DMD: variants seen among roughly 807,000 people sequenced by gnomAD.
DMD encodes dystrophin.
In DMD, 63 loss-of-function variants were observed where a neutral mutation model predicts 330.1. The ratio of observed to expected loss-of-function variants is 0.19; its 90% CI spans 0.16 to 0.24. The LOEUF is 0.24. DMD is among the 10% of genes least tolerant of loss of function. DMD has a pLI of 1.00. For synonymous variants in DMD, 1,223 were observed against 959.8 expected, an observed-to-expected ratio of 1.27 and a Z score of -5.07; for missense variants, 3,344 against 2,684.1, an observed-to-expected ratio of 1.25 and a Z score of -5.43.
intron 51 of DMD, among the ~76,000 whole-genome samples, chrX:31,730,169 G>C (rs1050909296): frequency 9.0e-6 from 1 of 111,652 alleles, no homozygotes; most frequent in Non-Finnish European, 1.9e-5. Flanking sequence ...GCACAGAACC[G>C]ATTTAAGAGA....
At chrX:32,390,378 A>G (rs954657879) in intron 30 of DMD, among the ~76,000 whole-genome samples, 197 bp from the exon 31 acceptor site, 1 of 111,467 alleles carries the variant, frequency 9.0e-6, no homozygotes, top group Admixed American at 9.6e-5. Flanking sequence ...GATCACCTAA[A>G]TAGAATTATC....
chrX:32,345,894 A>G, intron 39 of DMD, 49 bp downstream of exon 39: 5 of 1,180,909 alleles, frequency 4.2e-6, no homozygotes, highest in Non-Finnish European at 5.7e-6. Flanking sequence ...TACCCTATAT[A>G]TTAAAAAAAA....
intron 7 of DMD, among the ~76,000 whole-genome samples, chrX:32,724,199 G>A (rs1033656238): frequency 9.0e-6 from 1 of 111,663 alleles, no homozygotes; most frequent in African/African-American, 3.2e-5. Flanking sequence ...TAAGAATTGT[G>A]CATTTAAAAT....
At chrX:32,779,731 T>C (rs12009409) in intron 7 of DMD, among the ~76,000 whole-genome samples, 2 of 67,658 alleles carry the variant, frequency 3.0e-5, no homozygotes, top group African/African-American at 5.8e-5. Context: ...GGTGGGGGTA[T>C]GGGGGAGGGA....
chrX:32,572,282 T>C (rs1432451793), intron 15 of DMD, among the ~76,000 whole-genome samples: 1 of 111,808 alleles, frequency 8.9e-6, no homozygotes, highest in African/African-American at 3.2e-5. Context: ...ATGGTACGTA[T>C]TTAAAATGAG....
intron 55 of DMD, among the ~76,000 whole-genome samples, chrX:31,518,484 A>C (rs1244615602): frequency 1.8e-5 from 2 of 111,794 alleles, no homozygotes; most frequent in South Asian, 3.8e-4. Context: ...TGTACATTTA[A>C]GTCACAGAGA....
At chrX:32,787,143 A>T (rs1452742557) in intron 7 of DMD, among the ~76,000 whole-genome samples, 1 of 109,631 alleles carries the variant, frequency 9.1e-6, no homozygotes, top group Non-Finnish European at 1.9e-5. Flanking sequence ...ACTATCATGA[A>T]CCAGCCTTCA....
At chrX:32,437,010 CTT>C (rs2098263992) in intron 29 of DMD, among the ~76,000 whole-genome samples, 1 of 111,273 alleles carries the variant, frequency 9.0e-6, no homozygotes, top group Non-Finnish European at 1.9e-5. Flanking sequence ...TTCACAATGA[CTT>C]TTAATTTTTT....
Position 31,323,624 on chromosome X carries a change from C to T in DMD, c.9198G>A (p.Ser3066=), listed in dbSNP as rs753594128. Residue 3066 remains serine, a synonymous_variant, in exon 62 of 79, where the codon TCG becomes TCA. Coordinates refer to ENST00000357033, the MANE Select transcript of DMD (RefSeq NM_004006.3). ...SVQGPWERAI[S]PNKVPYYINH... ...TGATATAGTAGGGCACTTTGTTTGG[C>T]GAGATGGCTCTCTCCCAGGGACCCT... 9 of 1,208,183 alleles carry T rather than the reference C, an allele frequency of 7.4e-6. No homozygotes were observed. In the African/African-American group the frequency reaches 8.8e-5, roughly 12 times the overall value.
At chrX:31,764,313 A>T (rs758825063) in intron 51 of DMD, among the ~76,000 whole-genome samples, 2 of 111,868 alleles carry the variant, frequency 1.8e-5, no homozygotes, top group East Asian at 5.6e-4. Context: ...TACATAACTT[A>T]AAAAAATCAA....
At chrX:32,656,085 G>A (rs141312337) in intron 9 of DMD, among the ~76,000 whole-genome samples, 16 of 111,604 alleles carry the variant, frequency 1.4e-4, no homozygotes, top group Non-Finnish European at 2.6e-4. Flanking sequence ...AAAGTTTAGG[G>A]GACAATTTGG....
intron 44 of DMD, among the ~76,000 whole-genome samples, chrX:32,073,690 G>C (rs2096319291): frequency 9.0e-6 from 1 of 111,230 alleles, no homozygotes; most frequent in Non-Finnish European, 1.9e-5. Flanking sequence ...ACTTTATTTG[G>C]TGACTTAATA....
At chrX:32,713,437 C>T (rs538965294) in intron 7 of DMD, among the ~76,000 whole-genome samples, 1 of 111,015 alleles carries the variant, frequency 9.0e-6, no homozygotes, top group South Asian at 3.8e-4. Flanking sequence ...CTATTATTTC[C>T]CTGCTCCAGA....
intron 1 of DMD, among the ~76,000 whole-genome samples, chrX:33,156,740 A>G (rs963383252): frequency 8.9e-6 from 1 of 111,855 alleles, no homozygotes; most frequent in Non-Finnish European, 1.9e-5. Context: ...GAAATACGCT[A>G]TTATCTGACT....
rs765319668 is a variant in DMD at position 31,136,267 on chromosome X, TTCTC to T, written c.10922-2077_10922-2074del. Among the ~76,000 whole-genome samples, 696 of 111,715 alleles carry T rather than the reference TTCTC, an allele frequency of 6.2e-3. 11 individuals are homozygous for T. The highest frequency in any genetic ancestry group is 0.022 in the African/African-American group (668 of 30,798). On this transcript the variant is annotated intron_variant, in intron 76 of 78. Transcript: ENST00000357033. Reference sequence around the variant, plus strand: ...TAGTTACAAACTCTCTCTCTCCTCTTTCTCTCTCTCTTCCTCCCCCCTCACACAC... The same window carrying T: ...TAGTTACAAACTCTCTCTCTCCTCTTTCTCTCTTCCTCCCCCCTCACACAC...
chrX:31,298,504 T>C (rs1043704222), intron 62 of DMD, among the ~76,000 whole-genome samples: 1 of 111,355 alleles, frequency 9.0e-6, no homozygotes, highest in Admixed American at 9.6e-5. Context: ...TATTGTTCTC[T>C]ATTTGACTCC....
chrX:31,167,843 C>T (rs887983717), intron 74 of DMD, among the ~76,000 whole-genome samples: 4 of 111,755 alleles, frequency 3.6e-5, no homozygotes, highest in African/African-American at 1.3e-4. Context: ...ATGCTAAGTA[C>T]TCTGGAGGAT....
At chrX:32,870,600 C>T (rs553666068) in intron 2 of DMD, among the ~76,000 whole-genome samples, 2 of 110,921 alleles carry the variant, frequency 1.8e-5, no homozygotes, top group South Asian at 7.8e-4. Context: ...GAACCAACAT[C>T]TTGGAAATAA....
chrX:31,141,516 T>A (rs918956262), intron 76 of DMD, among the ~76,000 whole-genome samples: 1 of 111,813 alleles, frequency 8.9e-6, no homozygotes, highest in African/African-American at 3.3e-5. Context: ...TCTGTTCAGG[T>A]AACACATGAT....
Sources: gnomAD v4.1 joint callset for allele counts (sites outside exome capture counted in the v4.1 genomes callset) on GRCh38, gnomAD v4.1.1 for gene constraint, MANE v1.5 for transcripts, NCBI Gene and HGNC (gene_info 2026-07-23, HGNC 2026-07-21) for gene names.